ITGA9: variants seen among roughly 807,000 people sequenced by gnomAD.
ITGA9 encodes integrin alpha-9.
A neutral mutation model predicts 127.8 loss-of-function variants in ITGA9; 56 were observed. The ratio of observed to expected loss-of-function variants is 0.44; its 90% CI spans 0.35 to 0.55. ITGA9 has a LOEUF of 0.55. ITGA9 is among the 20% of genes least tolerant of loss of function. The pLI is 0.00. For missense variants in ITGA9, 1,196 were observed against 1,347.1 expected (o/e 0.89, Z 1.76); for synonymous variants, 508 against 514.5 (o/e 0.99, Z 0.17).
rs146386081 is a variant in ITGA9 at position 37,678,439 on chromosome 3, A to G, written c.1917-5426A>G. ...AAACAACTAAGAGAAAGAAGGAAGG[A>G]GTGAAGGATGGACGGATGGACAGAC... is the stretch of plus-strand genomic sequence containing the variant. On this transcript the variant is annotated intron_variant, in intron 17 of 27. Transcript: ENST00000264741. 3.1e-3 allele frequency among the ~76,000 whole-genome samples: 466 copies of G among 152,340 alleles called. 4 individuals carry two copies. The highest frequency in any genetic ancestry group is 0.01 in the Middle Eastern group (3 of 294).
chr3:37,592,454 A>G (rs1469042798), intron 15 of ITGA9, among the ~76,000 whole-genome samples: 1 of 152,000 alleles, frequency 6.6e-6, no homozygotes, highest in Non-Finnish European at 1.5e-5. Context: ...AGGCACACCC[A>G]CCCCTTAAAC....
intron 15 of ITGA9, among the ~76,000 whole-genome samples, chr3:37,596,709 C>G (rs898451770): frequency 1.3e-5 from 2 of 151,970 alleles, no homozygotes; most frequent in African/African-American, 4.8e-5. Flanking sequence ...ACCCAAAACA[C>G]AAGGGGTCTG....
At chr3:37,721,114 CTTT>C (rs35254377) in intron 18 of ITGA9, among the ~76,000 whole-genome samples, 28,224 of 92,988 alleles carry the variant, frequency 0.3, 4,163 homozygotes, top group South Asian at 0.57. Context: ...CTTTTCTTGC[CTTT>C]TTTTTTTTTT....
At chr3:37,712,602 T>C (rs559199795) in intron 18 of ITGA9, among the ~76,000 whole-genome samples, 1 of 152,312 alleles carries the variant, frequency 6.6e-6, no homozygotes, top group African/African-American at 2.4e-5. Flanking sequence ...CCTCTGGAAG[T>C]TGTCATAGTG....
At chr3:37,605,018 G>T (rs1699955347) in intron 15 of ITGA9, among the ~76,000 whole-genome samples, 1 of 152,184 alleles carries the variant, frequency 6.6e-6, no homozygotes. Context: ...TAATAGGAAT[G>T]ATAGCAAGTG....
At chr3:37,724,169 G>C (rs1214218339) in intron 18 of ITGA9, among the ~76,000 whole-genome samples, 1 of 152,098 alleles carries the variant, frequency 6.6e-6, no homozygotes, top group Non-Finnish European at 1.5e-5. Flanking sequence ...CCCTGGTGCT[G>C]TCTCTCTTGG....
intron 15 of ITGA9, among the ~76,000 whole-genome samples, chr3:37,546,322 G>C (rs1046450151): frequency 3.3e-5 from 5 of 152,164 alleles, no homozygotes; most frequent in Non-Finnish European, 7.3e-5. Context: ...CTAGCACCGC[G>C]CTGGAACTTT....
At chr3:37,626,374 G>C (rs193054946) in intron 15 of ITGA9, among the ~76,000 whole-genome samples, 1 of 152,064 alleles carries the variant, frequency 6.6e-6, no homozygotes, top group Admixed American at 6.5e-5. Flanking sequence ...AAAACGGGGG[G>C]CAATGGCTGG....
chr3:37,683,783 C>A lies in ITGA9; in HGVS notation c.1917-82C>A, dbSNP rs934346971. 22 of 1,444,690 alleles carry A rather than the reference C, an allele frequency of 1.5e-5. No homozygotes were observed. The Admixed American group carries it at 3.5e-4, about 23-fold the overall frequency. 89.5% of individuals were successfully genotyped at this position (1,444,690 alleles called of 1,614,324 possible). On this transcript the variant is annotated intron_variant, in intron 17 of 27. Coordinates refer to ENST00000264741, the MANE Select transcript of ITGA9 (RefSeq NM_002207.3). The stretch of plus-strand genomic sequence containing the variant: ...GTAGTTCTGATCTCGGTTTCTGCCC[C>A]CCACCTTCAACTACCCCCTGTGCCT...
At chr3:37,552,871 T>C (rs1019335593) in intron 15 of ITGA9, among the ~76,000 whole-genome samples, 1 of 152,006 alleles carries the variant, frequency 6.6e-6, no homozygotes, top group African/African-American at 2.4e-5. Context: ...AAAAATTAGC[T>C]GGGCATGGTG....
chr3:37,493,975 A>G (rs929172967), intron 4 of ITGA9, among the ~76,000 whole-genome samples: 7 of 151,592 alleles, frequency 4.6e-5, no homozygotes, highest in African/African-American at 1.7e-4. Flanking sequence ...TTCCTTCCAC[A>G]CAGCAATAGT....
chr3:37,455,691 A>G (rs2125544722), intron 1 of ITGA9, among the ~76,000 whole-genome samples: 1 of 152,272 alleles, frequency 6.6e-6, no homozygotes, highest in South Asian at 2.1e-4. Flanking sequence ...TTGTTACTTA[A>G]TTCAATATTT....
At chr3:37,752,373 T>C (rs1285796157) in intron 23 of ITGA9, among the ~76,000 whole-genome samples, 1 of 152,178 alleles carries the variant, frequency 6.6e-6, no homozygotes, top group Non-Finnish European at 1.5e-5. Context: ...CCCTTTGGCC[T>C]GGTGGCATTC....
chr3:37,624,476 T>C (rs1700157954), intron 15 of ITGA9, among the ~76,000 whole-genome samples: 1 of 152,122 alleles, frequency 6.6e-6, no homozygotes, highest in Non-Finnish European at 1.5e-5. Context: ...AGCCTCCTCC[T>C]TAGCCTGTTT....
intron 15 of ITGA9, among the ~76,000 whole-genome samples, chr3:37,610,330 TG>T (rs1246500509): frequency 6.6e-6 from 1 of 152,244 alleles, no homozygotes; most frequent in African/African-American, 2.4e-5. Flanking sequence ...ATGTTAAATT[TG>T]TTCAAAGTTT....
chr3:37,512,024 T>TTCC lies in ITGA9; in HGVS notation c.898-1738_898-1737insCCT, dbSNP rs1553643157. On this transcript the variant is annotated intron_variant, in intron 8 of 27. Transcript: ENST00000264741. ...TTTTCTTTTCTTTTCTTTTCTTTTCTTTTCTTTCTTTCTTTCTTTCTTTCT... is the reference window on the plus strand; with the variant it reads ...TTTTCTTTTCTTTTCTTTTCTTTTCTTCCTTTCTTTCTTTCTTTCTTTCTTTCT... Among the ~76,000 whole-genome samples the TTCC allele has an allele frequency of 1.0e-3, 33 of 32,006 alleles. 2 individuals are homozygous for TTCC. The highest frequency in any genetic ancestry group is 2.9e-3 in the African/African-American group (29 of 10,114). 21.0% of individuals were successfully genotyped at this position (32,006 alleles called of 152,430 possible).
rs572061381 is a variant in ITGA9, at chr3:37,753,034, G to A, written c.2541+2465G>A. 1.2e-3 allele frequency among the ~76,000 whole-genome samples: 179 copies of A among 152,244 alleles called. 1 individual carries two copies. The highest frequency in any genetic ancestry group is 2.0e-3 in the Non-Finnish European group (139 of 68,022). ...TCAATTTTCACTGCTTCCCACCCACGGGGGTTGTGTGGACCCTACTCTGAC... is the reference window on the plus strand; with the variant it reads ...TCAATTTTCACTGCTTCCCACCCACAGGGGTTGTGTGGACCCTACTCTGAC... On this transcript the variant is annotated intron_variant, in intron 23 of 27. Coordinates refer to ENST00000264741, the MANE Select transcript of ITGA9 (RefSeq NM_002207.3).
intron 13 of ITGA9, among the ~76,000 whole-genome samples, chr3:37,530,010 G>A (rs1312150973): frequency 2.0e-5 from 3 of 152,250 alleles, no homozygotes; most frequent in Non-Finnish European, 4.4e-5. Flanking sequence ...TGTGGATGAG[G>A]ATGAAGCAGA....
chr3:37,737,633 G>C (rs1696379295), intron 20 of ITGA9, among the ~76,000 whole-genome samples: 1 of 152,190 alleles, frequency 6.6e-6, no homozygotes, highest in Admixed American at 6.5e-5. Flanking sequence ...AGCATGCCTT[G>C]AAGCAGCATC....
Sources: allele counts gnomAD v4.1 joint callset (sites outside exome capture counted in the v4.1 genomes callset), GRCh38; gene constraint gnomAD v4.1.1; transcripts MANE v1.5; gene names NCBI Gene and HGNC (gene_info 2026-07-23, HGNC 2026-07-21).